The following AGBL2 variants were observed in gnomAD, a reference collection of about 807,000 sequenced individuals.
The protein encoded by AGBL2 is cytosolic carboxypeptidase 2.
A neutral mutation model predicts 103.0 loss-of-function variants in AGBL2; 87 were observed. That is an observed-to-expected ratio of 0.84 (90% CI 0.71 to 1.01). AGBL2 has a LOEUF of 1.01. Ranked by LOEUF, AGBL2 falls within the 50% of genes least tolerant of loss-of-function variation. The pLI is 0.00. For missense variants in AGBL2, 904 were observed against 1,023.5 expected (o/e 0.88, Z 1.59); for synonymous variants, 335 against 356.7 (o/e 0.94, Z 0.69).
At chr11:47,662,118 A>G (rs1387281084) in intron 18 of AGBL2, among the ~76,000 whole-genome samples, 1 of 152,120 alleles carries the variant, frequency 6.6e-6, no homozygotes, top group Non-Finnish European at 1.5e-5. Flanking sequence ...GAATGTTATT[A>G]TAGGGATAAA....
intron 7 of AGBL2, among the ~76,000 whole-genome samples, chr11:47,703,817 C>T (rs1554966479): frequency 1.3e-5 from 2 of 150,576 alleles, no homozygotes; most frequent in Non-Finnish European, 2.9e-5. Flanking sequence ...CCCAGCTACT[C>T]AGGGGGCTGA....
intron 5 of AGBL2, 24 bp from the exon 6 acceptor site, chr11:47,705,658 GAAAA>G: frequency 4.6e-6 from 2 of 433,596 alleles, no homozygotes; most frequent in Admixed American, 8.2e-5. Context: ...AAAAAAAAAA[GAAAA>G]AGAAAAAGAA....
chr11:47,679,908 C>T, intron 13 of AGBL2, 65 bp downstream of exon 13: 1 of 1,068,540 alleles, frequency 9.4e-7, no homozygotes, highest in East Asian at 2.5e-5. Context: ...TCCCAAAGTG[C>T]TAGGATTACA....
intron 18 of AGBL2, among the ~76,000 whole-genome samples, chr11:47,660,768 C>T (rs1176937368): frequency 6.6e-6 from 1 of 152,032 alleles, no homozygotes; most frequent in African/African-American, 2.4e-5. Context: ...TTTGCCCAGG[C>T]TGGTCTCAAA....
chr11:47,680,514 C>G (rs146542521), intron 12 of AGBL2, among the ~76,000 whole-genome samples: 147 of 151,830 alleles, frequency 9.7e-4, no homozygotes, highest in African/African-American at 3.5e-3. Flanking sequence ...CACAGTGGCT[C>G]ATGCCTATAA....
intron 17 of AGBL2, among the ~76,000 whole-genome samples, chr11:47,665,107 G>A (rs2153802601): frequency 6.6e-6 from 1 of 151,202 alleles, no homozygotes; most frequent in Admixed American, 6.6e-5. Flanking sequence ...CCCAAGCTGG[G>A]CGCAATCTCA....
intron 9 of AGBL2, among the ~76,000 whole-genome samples, chr11:47,691,729 A>AAAAAAAATATATATATAT: frequency 2.1e-4 from 1 of 4,856 alleles, no homozygotes; most frequent in African/African-American, 7.2e-4. Flanking sequence ...AAAAAAAAAA[A>AAAAAAAATATATATATAT]ATATATATAT....
intron 12 of AGBL2, 121 bp from the exon 13 acceptor site, chr11:47,680,194 G>C: frequency 1.8e-6 from 1 of 552,236 alleles, no homozygotes; most frequent in Non-Finnish European, 3.1e-6. Flanking sequence ...GTTTACGCCT[G>C]TAATCCCAGC....
intron 10 of AGBL2, among the ~76,000 whole-genome samples, chr11:47,689,780 G>A (rs1029775293): frequency 6.6e-6 from 1 of 152,122 alleles, no homozygotes; most frequent in Non-Finnish European, 1.5e-5. Flanking sequence ...GTCTCATCAT[G>A]AAGACCTATG....
intron 11 of AGBL2, among the ~76,000 whole-genome samples, chr11:47,685,411 G>A (rs1189152958): frequency 1.1e-4 from 17 of 151,708 alleles, no homozygotes. Flanking sequence ...ACTGTAGCTG[G>A]CAGGACACAG....
At position 47,684,350 on chromosome 11, in the gene AGBL2, A is replaced by AG. The variant is rs2097415249; in HGVS notation, c.1788+1542dup. 2.0e-5 allele frequency among the ~76,000 whole-genome samples: 3 copies of AG among 151,972 alleles called. No homozygotes were observed. In the South Asian group the frequency reaches 6.3e-4, roughly 32 times the overall value. ...TGGGAGGCTGAGGCGGGTGGTCAGG[A>AG]GTTCAAGACCAGCCTTGCCAAGATG... is the stretch of plus-strand genomic sequence containing the variant. On this transcript the variant is annotated intron_variant, in intron 11 of 18. Coordinates refer to ENST00000525123, the MANE Select transcript of AGBL2 (RefSeq NM_024783.4).
At chr11:47,679,058 CAAAAAAAAAAAAAAAAAA>C (rs56307962) in intron 13 of AGBL2, among the ~76,000 whole-genome samples, 6 of 28,190 alleles carry the variant, frequency 2.1e-4, no homozygotes, top group African/African-American at 2.3e-4. Flanking sequence ...GACCCTGTCT[CAAAAAAAAAAAAAAAAAA>C]AAAAAAAAAA....
chr11:47,674,989 C>T (rs1204095305), intron 14 of AGBL2, among the ~76,000 whole-genome samples: 1 of 152,070 alleles, frequency 6.6e-6, no homozygotes, highest in African/African-American at 2.4e-5. Context: ...CAGCCTCGGC[C>T]TCCCAAAGTC....
intron 9 of AGBL2, among the ~76,000 whole-genome samples, chr11:47,691,203 G>C (rs1384474428): frequency 6.6e-6 from 1 of 151,884 alleles, no homozygotes; most frequent in African/African-American, 2.4e-5. Flanking sequence ...GGTGTAGGTT[G>C]CAGTGAGCTG....
chr11:47,667,664 T>C lies in AGBL2; in HGVS notation c.2247A>G (p.Lys749=). Residue 749 remains lysine (K), a synonymous_variant, in exon 16 of 19, where the codon AAA becomes AAG. Coordinates refer to ENST00000525123, the MANE Select transcript of AGBL2 (RefSeq NM_024783.4). ...LTQKKKMFKK[K]KKKSLQTRKQ... ...TCCTAGTCTGAAGTGACTTCTTTTTTTTCTTCTTAAACATCTTCTTTTTCT... is the reference window on the plus strand; with the variant it reads ...TCCTAGTCTGAAGTGACTTCTTTTTCTTCTTCTTAAACATCTTCTTTTTCT... 1 of 1,613,064 alleles carries C rather than the reference T, an allele frequency of 6.2e-7. No homozygotes were observed. Among genetic ancestry groups the C allele is most frequent in the Non-Finnish European group, 8.5e-7 (1 of 1,179,858 alleles).
chr11:47,661,141 C>A, intron 18 of AGBL2, among the ~76,000 whole-genome samples: 1 of 150,774 alleles, frequency 6.6e-6, no homozygotes, highest in East Asian at 1.9e-4. Context: ...CCAGCCTGGG[C>A]GACAGAGCAA....
intron 18 of AGBL2, among the ~76,000 whole-genome samples, chr11:47,660,556 ATT>A (rs11380369): frequency 2.8e-5 from 4 of 143,382 alleles, no homozygotes; most frequent in Non-Finnish European, 4.6e-5. Flanking sequence ...CATGAGACAC[ATT>A]TTTTTTTTTT....
intron 11 of AGBL2, among the ~76,000 whole-genome samples, chr11:47,684,449 C>T (rs1393631433): frequency 5.4e-5 from 8 of 149,530 alleles, no homozygotes; most frequent in African/African-American, 7.4e-5. Flanking sequence ...CCCAGACCCT[C>T]GGGAGGCTGA....
intron 3 of AGBL2, among the ~76,000 whole-genome samples, chr11:47,712,892 G>A (rs7111509): frequency 0.35 from 52,360 of 151,658 alleles, 10,495 homozygotes; most frequent in South Asian, 0.52. Context: ...AAATTAGCCA[G>A]GCATGGTGGT....
Sources: gnomAD v4.1 joint callset for allele counts (sites outside exome capture counted in the v4.1 genomes callset) on GRCh38, gnomAD v4.1.1 for gene constraint, MANE v1.5 for transcripts, NCBI Gene and HGNC (gene_info 2026-07-23, HGNC 2026-07-21) for gene names.